Variants in CENPW observed in about 807,000 individuals in gnomAD.
CENPW encodes centromere protein W, also known as cancer-up-regulated gene 2 protein.
CENPW carries 3 observed loss-of-function variants against 11.1 expected under a neutral mutation model. That is an observed-to-expected ratio of 0.27 (90% CI 0.12 to 0.70). The LOEUF (loss-of-function observed/expected upper bound fraction) is 0.70. CENPW is among the 30% of genes least tolerant of loss of function. CENPW has a pLI of 0.77. For missense variants in CENPW, 100 were observed against 105.6 expected, an observed-to-expected ratio of 0.95 and a Z score of 0.23; for synonymous variants, 38 against 42.0, an observed-to-expected ratio of 0.91 and a Z score of 0.37.
At chr6:126,464,532 G>A in the CENPW span, among the ~76,000 whole-genome samples, 1 of 152,136 alleles carries the variant, frequency 6.6e-6, no homozygotes, top group Non-Finnish European at 1.5e-5. Context: ...GAAGATGGAA[G>A]AATAGGTTTA....
chr6:126,472,296 C>A, the CENPW span, among the ~76,000 whole-genome samples: 1,610 of 152,244 alleles, frequency 0.011, 24 homozygotes, highest in African/African-American at 0.037. Context: ...CTTTCTTATG[C>A]CTGTTTGGAA....
the CENPW span, among the ~76,000 whole-genome samples, chr6:126,397,476 C>G: frequency 3.3e-5 from 5 of 152,142 alleles, no homozygotes; most frequent in Non-Finnish European, 7.3e-5. Flanking sequence ...CTTTCCTACC[C>G]TCTTCAGTGC....
chr6:126,472,706 G>A, the CENPW span, among the ~76,000 whole-genome samples: 1 of 152,154 alleles, frequency 6.6e-6, no homozygotes, highest in Non-Finnish European at 1.5e-5. Context: ...GCACATTTAA[G>A]TCTATAAGAA....
At chr6:126,390,596 C>T in the CENPW span, among the ~76,000 whole-genome samples, 1 of 151,524 alleles carries the variant, frequency 6.6e-6, no homozygotes, top group Non-Finnish European at 1.5e-5. Context: ...ATTAATCATC[C>T]CCACTTCCCC....
the CENPW span, among the ~76,000 whole-genome samples, chr6:126,476,128 A>G: frequency 6.6e-6 from 1 of 151,254 alleles, no homozygotes; most frequent in Non-Finnish European, 1.5e-5. Flanking sequence ...TTCCCCTCAT[A>G]GCCTCCACTC....
the CENPW span, among the ~76,000 whole-genome samples, chr6:126,410,294 G>A: frequency 2.6e-4 from 39 of 151,762 alleles, no homozygotes; most frequent in African/African-American, 4.1e-4. Context: ...TTTTGTTTTC[G>A]TTCAGCACTT....
At chr6:126,461,805 T>C in the CENPW span, among the ~76,000 whole-genome samples, 1 of 152,086 alleles carries the variant, frequency 6.6e-6, no homozygotes, top group African/African-American at 2.4e-5. Flanking sequence ...GTTTTCAATA[T>C]GTGACATTAA....
the CENPW span, among the ~76,000 whole-genome samples, chr6:126,464,559 T>C: frequency 6.6e-6 from 1 of 152,044 alleles, no homozygotes; most frequent in Non-Finnish European, 1.5e-5. Context: ...CTTCCAGCCT[T>C]CATCTTTCTC....
the CENPW span, among the ~76,000 whole-genome samples, chr6:126,391,402 T>A: frequency 1.2e-3 from 176 of 152,100 alleles, no homozygotes; most frequent in African/African-American, 3.8e-3. Context: ...GACAAAGATT[T>A]TCTCCAGTTC....
chr6:126,470,551 C>T, the CENPW span, among the ~76,000 whole-genome samples: 1 of 152,224 alleles, frequency 6.6e-6, no homozygotes, highest in East Asian at 1.9e-4. Flanking sequence ...CATTGGGGCA[C>T]TGCCTAGTGG....
chr6:126,481,190 T>C, the CENPW span, among the ~76,000 whole-genome samples: 1 of 152,098 alleles, frequency 6.6e-6, no homozygotes, highest in Non-Finnish European at 1.5e-5. Context: ...TTATTGAATA[T>C]CTAGTTTCAG....
the CENPW span, among the ~76,000 whole-genome samples, chr6:126,468,962 C>T: frequency 6.6e-6 from 1 of 152,082 alleles, no homozygotes; most frequent in African/African-American, 2.4e-5. Flanking sequence ...ACCACCACGC[C>T]TGGCTAATTT....
the CENPW span, among the ~76,000 whole-genome samples, chr6:126,439,038 A>G: frequency 2.6e-5 from 4 of 151,724 alleles, no homozygotes; most frequent in East Asian, 3.9e-4. Context: ...GAGAAAAATT[A>G]TAGAATACCA....
At chr6:126,373,404 G>A in the CENPW span, among the ~76,000 whole-genome samples, 15 of 152,208 alleles carry the variant, frequency 9.9e-5, no homozygotes, top group South Asian at 2.5e-3. Flanking sequence ...GCCCTTCTTC[G>A]AGCCATAAAA....
At chr6:126,456,967 A>G in the CENPW span, among the ~76,000 whole-genome samples, 6 of 151,730 alleles carry the variant, frequency 4.0e-5, no homozygotes, top group African/African-American at 1.4e-4. Flanking sequence ...CTAATTTGAG[A>G]AATGCAAATG....
At chr6:126,368,248 A>T in the CENPW span, among the ~76,000 whole-genome samples, 1 of 152,174 alleles carries the variant, frequency 6.6e-6, no homozygotes, top group African/African-American at 2.4e-5. Flanking sequence ...TCAGGAAGGA[A>T]AAAGCTTTTT....
the CENPW span, among the ~76,000 whole-genome samples, chr6:126,456,639 C>G: frequency 6.6e-6 from 1 of 150,886 alleles, no homozygotes; most frequent in Non-Finnish European, 1.5e-5. Flanking sequence ...GGACATAGAC[C>G]CTGACAAAGA....
the CENPW span, among the ~76,000 whole-genome samples, chr6:126,457,623 C>G: frequency 1.3e-5 from 2 of 151,188 alleles, no homozygotes; most frequent in African/African-American, 4.8e-5. Context: ...CATGACATCT[C>G]TATATTATTG....
the CENPW span, among the ~76,000 whole-genome samples, chr6:126,434,312 G>T: frequency 3.9e-5 from 6 of 151,974 alleles, no homozygotes; most frequent in Non-Finnish European, 5.9e-5. Flanking sequence ...AAATGATGAG[G>T]GCTGTATCAC....
Sources: gnomAD v4.1 joint callset for allele counts (sites outside exome capture counted in the v4.1 genomes callset) on GRCh38, gnomAD v4.1.1 for gene constraint, MANE v1.5 for transcripts, NCBI Gene and HGNC (gene_info 2026-07-23, HGNC 2026-07-21) for gene names.